CBR4: variants seen among roughly 807,000 people sequenced by gnomAD.
CBR4 encodes carbonyl reductase 4.
CBR4 carries 22 observed loss-of-function variants against 21.0 expected under a neutral mutation model. The observed-to-expected ratio is 1.05, with a 90% CI of 0.75 to 1.50. The LOEUF is 1.50. Ranked by LOEUF, CBR4 falls within the 40% of genes most tolerant of loss-of-function variation. The pLI is 0.00. For missense variants in CBR4, 302 were observed against 286.3 expected (o/e 1.05, Z -0.40); for synonymous variants, 100 against 104.4 (o/e 0.96, Z 0.26).
chr4:168,942,960 AAAT>A lies in CBR4; in HGVS notation n.170-48198_170-48196del, dbSNP rs533807384. 9.7e-4 allele frequency among the ~76,000 whole-genome samples: 148 copies of A among 152,278 alleles called. 1 individual carries two copies. The highest frequency in any genetic ancestry group is 8.1e-3 in the South Asian group (39 of 4,826). On this transcript the variant is annotated intron_variant and non_coding_transcript_variant, in intron 2 of 3. Transcript: ENST00000509108. ...TAGAATGGCTATTAACAAAAAGAAA[AAAT>A]AATAATAAGTTCTGCCAAGAAGGTA...
chr4:168,948,142 T>C lies in CBR4; in HGVS notation n.170-53377A>G, dbSNP rs192377288. Among the ~76,000 whole-genome samples the C allele has an allele frequency of 1.7e-3, 263 of 152,322 alleles. 4 individuals are homozygous for C. The highest frequency in any genetic ancestry group is 2.6e-4 in the Non-Finnish European group (18 of 68,028). On this transcript the variant is annotated intron_variant and non_coding_transcript_variant, in intron 2 of 3. Coordinates refer to the CBR4 transcript ENST00000509108. The stretch of plus-strand genomic sequence containing the variant: ...CCTGATCATTAGTGATGTTGAGCAT[T>C]TTTTCGTATGTTTGTTGGCCATTTG...
At chr4:168,967,412 G>A (rs1490943006) in intron 2 of CBR4, among the ~76,000 whole-genome samples, 2 of 152,088 alleles carry the variant, frequency 1.3e-5, no homozygotes, top group Non-Finnish European at 2.9e-5. Flanking sequence ...TGTAAATGAC[G>A]AGTTGATGCG....
chr4:168,970,003 G>A (rs1466641283), intron 2 of CBR4, among the ~76,000 whole-genome samples: 40 of 152,190 alleles, frequency 2.6e-4, no homozygotes, highest in Non-Finnish European at 4.9e-4. Flanking sequence ...TATCTCTAGT[G>A]TGAACACAGG....
At chr4:168,957,606 C>T (rs2126718043) in intron 2 of CBR4, among the ~76,000 whole-genome samples, 1 of 152,300 alleles carries the variant, frequency 6.6e-6, no homozygotes, top group East Asian at 1.9e-4. Context: ...TTTTCTCATG[C>T]ACCTTGTAGT....
chr4:168,999,525 T>TA (rs530639385), intron 4 of CBR4, among the ~76,000 whole-genome samples: 92 of 151,934 alleles, frequency 6.1e-4, no homozygotes, highest in Non-Finnish European at 1.1e-3. Flanking sequence ...TACAGGTTTT[T>TA]ATCTGTAGTA....
Position 168,989,549 on chromosome 4 carries a change from A to G in CBR4, c.*601T>C. 2.0e-6 allele frequency: 2 copies of G among 985,444 alleles called. No homozygotes were observed. Among genetic ancestry groups the G allele is most frequent in the Non-Finnish European group, 2.4e-6 (2 of 829,916 alleles). 61.0% of individuals were successfully genotyped at this position (985,444 alleles called of 1,614,324 possible). ...AAGCACATGCAAAAGGAATATAGTT[A>G]TCTTTAGTGGGCTTGCTAAAGTATT... On this transcript the variant is annotated 3_prime_UTR_variant, in exon 5 of 5. Coordinates refer to ENST00000306193, the MANE Select transcript of CBR4 (RefSeq NM_032783.5).
intron 4 of CBR4, among the ~76,000 whole-genome samples, chr4:168,991,460 T>A (rs1764919184): frequency 6.6e-6 from 1 of 152,238 alleles, no homozygotes; most frequent in Admixed American, 6.5e-5. Context: ...GAAAGGCCAG[T>A]ATTTCCCATA....
At chr4:168,939,984 C>T (rs1436824125) in intron 2 of CBR4, among the ~76,000 whole-genome samples, 1 of 151,956 alleles carries the variant, frequency 6.6e-6, no homozygotes, top group African/African-American at 2.4e-5. Flanking sequence ...ATAGACAAGA[C>T]AATCCTAAGC....
chr4:168,925,743 T>C (rs149789968), intron 2 of CBR4, among the ~76,000 whole-genome samples: 12 of 152,292 alleles, frequency 7.9e-5, no homozygotes, highest in Admixed American at 7.2e-4. Flanking sequence ...ATTTTGCCTC[T>C]TCTTGAAATA....
chr4:168,979,569 C>G (rs11732949), intron 2 of CBR4, among the ~76,000 whole-genome samples: 2 of 151,996 alleles, frequency 1.3e-5, no homozygotes, highest in African/African-American at 4.8e-5. Context: ...TTCAGCGGTA[C>G]GGCCCTAGCT....
At chr4:168,967,141 T>C (rs1278371827) in intron 2 of CBR4, among the ~76,000 whole-genome samples, 1 of 152,012 alleles carries the variant, frequency 6.6e-6, no homozygotes, top group African/African-American at 2.4e-5. Flanking sequence ...ATTAAGAAAA[T>C]GTGGCACATA....
At position 168,988,986 on chromosome 4, in the gene CBR4, A is replaced by C. The variant is rs1764790251; in HGVS notation, c.*1164T>G. 1 of 982,980 alleles carries C rather than the reference A, an allele frequency of 1.0e-6. No homozygotes were observed. The highest frequency in any genetic ancestry group is 1.7e-5 in the African/African-American group (1 of 57,196). The allele number at this position is 982,980 out of a possible 1,614,324, so 60.9% of individuals were successfully genotyped here. On this transcript the variant is annotated 3_prime_UTR_variant, in exon 5 of 5. Transcript: ENST00000306193. ...ATACTATTCCCGATAAAAAGAGTTT[A>C]ATGCAAAATAATTATTACCTGGTAT...
rs77408538 is a variant in CBR4, at chr4:168,957,074, C to T, written n.169+44997G>A. ...CCCACAGATACTTAAATAATATGTG[C>T]GTCAGCTAAAGTGATTTAAAGATGA... On this transcript the variant is annotated intron_variant and non_coding_transcript_variant, in intron 2 of 3. Coordinates refer to the CBR4 transcript ENST00000509108. Among the ~76,000 whole-genome samples, 742 of 152,194 alleles carry T rather than the reference C, an allele frequency of 4.9e-3. 7 individuals carry two copies. The highest frequency in any genetic ancestry group is 5.4e-3 in the Admixed American group (83 of 15,272).
intron 2 of CBR4, among the ~76,000 whole-genome samples, chr4:168,924,745 C>A (rs1052730928): frequency 1.3e-5 from 2 of 152,188 alleles, no homozygotes; most frequent in Non-Finnish European, 2.9e-5. Context: ...GAATTAAGCA[C>A]ACAGATGTAT....
intron 2 of CBR4, chr4:168,925,331 T>C (rs2126598106): frequency 7.5e-7 from 1 of 1,339,112 alleles, no homozygotes; most frequent in Non-Finnish European, 1.1e-6. Context: ...TGATTTCTCT[T>C]ACATTGGCTA....
intron 3 of CBR4, among the ~76,000 whole-genome samples, chr4:169,004,121 AT>A (rs1579024525): frequency 6.6e-6 from 1 of 152,318 alleles, no homozygotes; most frequent in East Asian, 1.9e-4. Flanking sequence ...AATAAAAAAA[AT>A]AAAGAAATTG....
chr4:168,963,757 G>A (rs575528358), intron 2 of CBR4, among the ~76,000 whole-genome samples: 2 of 151,932 alleles, frequency 1.3e-5, no homozygotes, highest in South Asian at 2.1e-4. Flanking sequence ...GAGCCACCGC[G>A]CCCAACCTCC....
At chr4:168,995,906 T>C (rs1765177018) in intron 4 of CBR4, among the ~76,000 whole-genome samples, 1 of 152,228 alleles carries the variant, frequency 6.6e-6, no homozygotes, top group African/African-American at 2.4e-5. Flanking sequence ...TCATCTCTGC[T>C]ATAGTCTATG....
At position 168,968,990 on chromosome 4, in the gene CBR4, G is replaced by A. The variant is rs55725531; in HGVS notation, n.169+33081C>T. 3.3e-5 allele frequency among the ~76,000 whole-genome samples: 5 copies of A among 152,284 alleles called. No individual in the cohort carries two copies. The East Asian group carries it at 7.7e-4, about 24-fold the overall frequency. ...AGTATGTCTAGGGACACAGTGGACC[G>A]AAGTGTAAAACAGATTTGGGCCAGC... is the stretch of plus-strand genomic sequence containing the variant. On this transcript the variant is annotated intron_variant and non_coding_transcript_variant, in intron 2 of 3. Coordinates refer to the CBR4 transcript ENST00000509108.
Sources: allele counts gnomAD v4.1 joint callset (sites outside exome capture counted in the v4.1 genomes callset), GRCh38; gene constraint gnomAD v4.1.1; transcripts MANE v1.5; gene names NCBI Gene and HGNC (gene_info 2026-07-23, HGNC 2026-07-21).